Variants in DOK5 observed in about 807,000 individuals in gnomAD.
DOK5 encodes the protein downstream of tyrosine kinase 5.
In DOK5, 27 loss-of-function variants were observed where a neutral mutation model predicts 43.3. That is an observed-to-expected ratio of 0.62 (90% CI 0.46 to 0.86). DOK5 has a LOEUF of 0.86. Ranked by LOEUF, DOK5 falls within the 40% of genes least tolerant of loss-of-function variation. The pLI, the probability that DOK5 is intolerant of heterozygous loss-of-function variation, is 0.00. For synonymous variants in DOK5, 146 were observed against 140.1 expected, an observed-to-expected ratio of 1.04 and a Z score of -0.30; for missense variants, 373 against 392.9, an observed-to-expected ratio of 0.95 and a Z score of 0.43.
At chr20:54,615,324 A>T (rs907094826) in intron 6 of DOK5, among the ~76,000 whole-genome samples, 1 of 152,226 alleles carries the variant, frequency 6.6e-6, no homozygotes, top group Non-Finnish European at 1.5e-5. Flanking sequence ...TAATCTATGC[A>T]GTCTGTGAAT....
intron 6 of DOK5, among the ~76,000 whole-genome samples, chr20:54,612,342 C>T (rs143987537): frequency 1.8e-4 from 28 of 152,152 alleles, no homozygotes; most frequent in South Asian, 6.2e-4. Flanking sequence ...AGGTGGTGGA[C>T]GTGGGCATGC....
intron 1 of DOK5, among the ~76,000 whole-genome samples, chr20:54,533,208 C>T (rs1325240595): frequency 6.6e-6 from 1 of 152,148 alleles, no homozygotes; most frequent in Non-Finnish European, 1.5e-5. Context: ...TGCCTGCATC[C>T]CTGGTCCCTA....
At chr20:54,627,898 T>A (rs1449041850) in intron 6 of DOK5, among the ~76,000 whole-genome samples, 3 of 152,146 alleles carry the variant, frequency 2.0e-5, no homozygotes, top group African/African-American at 4.8e-5. Context: ...CAAAAAGATG[T>A]ATAGTCTCAA....
chr20:54,556,311 A>G (rs565160239), intron 2 of DOK5, among the ~76,000 whole-genome samples: 2 of 152,326 alleles, frequency 1.3e-5, no homozygotes, highest in African/African-American at 4.8e-5. Context: ...TCTATCATTT[A>G]TCTGTCATAT....
chr20:54,644,814 G>A (rs1472179091), intron 7 of DOK5, among the ~76,000 whole-genome samples: 1 of 151,224 alleles, frequency 6.6e-6, no homozygotes, highest in African/African-American at 2.4e-5. Flanking sequence ...GTTGCAGTGA[G>A]CCAGAATTGC....
intron 1 of DOK5, among the ~76,000 whole-genome samples, chr20:54,507,163 A>C (rs1982841217): frequency 6.6e-6 from 1 of 152,180 alleles, no homozygotes; most frequent in Admixed American, 6.5e-5. Flanking sequence ...GGGATACAGT[A>C]TGAACAAGAA....
intron 1 of DOK5, among the ~76,000 whole-genome samples, chr20:54,481,179 T>G (rs1380508284): frequency 1.3e-5 from 2 of 150,942 alleles, no homozygotes; most frequent in Admixed American, 1.3e-4. Flanking sequence ...TCTATCTATC[T>G]ATATTTTTTT....
chr20:54,479,350 G>T (rs763967585), intron 1 of DOK5, among the ~76,000 whole-genome samples: 1 of 152,086 alleles, frequency 6.6e-6, no homozygotes, highest in Non-Finnish European at 1.5e-5. Context: ...TACTGAATTT[G>T]TTCAGGAATG....
intron 2 of DOK5, among the ~76,000 whole-genome samples, chr20:54,579,358 T>TTGTGTGTG (rs151204252): frequency 6.0e-5 from 9 of 150,730 alleles, no homozygotes; most frequent in African/African-American, 1.2e-4. Context: ...GTGTGTGTGC[T>TTGTGTGTG]TGTGTGTGTG....
At chr20:54,615,012 G>A (rs1986760994) in intron 6 of DOK5, among the ~76,000 whole-genome samples, 1 of 152,178 alleles carries the variant, frequency 6.6e-6, no homozygotes, top group African/African-American at 2.4e-5. Context: ...GCTTCTATGA[G>A]ATGGCCAAGT....
chr20:54,603,483 C>T (rs1004728286), intron 5 of DOK5, among the ~76,000 whole-genome samples: 2 of 152,226 alleles, frequency 1.3e-5, no homozygotes, highest in Non-Finnish European at 2.9e-5. Flanking sequence ...TCGGACACTG[C>T]CTTGTATAGA....
intron 2 of DOK5, among the ~76,000 whole-genome samples, chr20:54,567,736 GAGAGTTATGTTA>G (rs1298541268): frequency 6.6e-6 from 1 of 152,250 alleles, no homozygotes; most frequent in African/African-American, 2.4e-5. Context: ...TTGGGATTTT[GAGAGTTATGTTA>G]AGCCTATAGA....
chr20:54,569,853 G>C (rs1275809068), intron 2 of DOK5, among the ~76,000 whole-genome samples: 2 of 152,234 alleles, frequency 1.3e-5, no homozygotes, highest in Non-Finnish European at 2.9e-5. Flanking sequence ...CCTATTTTAA[G>C]TGACCTAGGG....
chr20:54,539,451 C>G (rs1324305180), intron 1 of DOK5, among the ~76,000 whole-genome samples: 1 of 152,064 alleles, frequency 6.6e-6, no homozygotes, highest in Admixed American at 6.6e-5. Flanking sequence ...CTGTATTATA[C>G]TATAGTTTTG....
At chr20:54,492,151 C>T (rs774280585) in intron 1 of DOK5, among the ~76,000 whole-genome samples, 29 of 151,626 alleles carry the variant, frequency 1.9e-4, no homozygotes, top group Admixed American at 5.9e-4. Flanking sequence ...GAAAACAATG[C>T]AAAAAAGGAT....
chr20:54,605,421 A>G (rs1473320323), intron 5 of DOK5, among the ~76,000 whole-genome samples: 1 of 152,222 alleles, frequency 6.6e-6, no homozygotes, highest in Non-Finnish European at 1.5e-5. Context: ...AGTACCCAGG[A>G]TCACAGTCCC....
intron 1 of DOK5, among the ~76,000 whole-genome samples, chr20:54,500,930 CTG>C (rs1982574623): frequency 1.3e-5 from 2 of 151,856 alleles, no homozygotes; most frequent in South Asian, 2.1e-4. Flanking sequence ...AACTTTAAAA[CTG>C]TGAGTTTGAA....
intron 1 of DOK5, among the ~76,000 whole-genome samples, chr20:54,497,893 A>G (rs965663623): frequency 1.6e-4 from 25 of 152,344 alleles, no homozygotes; most frequent in African/African-American, 4.6e-4. Flanking sequence ...AATACAATGA[A>G]AACAATATTA....
intron 1 of DOK5, among the ~76,000 whole-genome samples, chr20:54,540,404 A>C (rs1984111630): frequency 6.6e-6 from 1 of 152,216 alleles, no homozygotes. Flanking sequence ...GAGTAAATGA[A>C]GGAAACAAAA....
Sources: allele counts gnomAD v4.1 joint callset (sites outside exome capture counted in the v4.1 genomes callset), GRCh38; gene constraint gnomAD v4.1.1; transcripts MANE v1.5; gene names NCBI Gene and HGNC (gene_info 2026-07-23, HGNC 2026-07-21).